Variants in INTS8 observed in about 807,000 individuals in gnomAD.
The protein encoded by INTS8 is integrator complex subunit 8, also known as protein kaonashi-1.
In INTS8, 47 loss-of-function variants were observed where a neutral mutation model predicts 138.9. That is an observed-to-expected ratio of 0.34 (90% CI 0.27 to 0.43). INTS8 has a LOEUF of 0.43. Among genes scored for constraint, INTS8 ranks in the 20% least tolerant of loss-of-function variants. INTS8 has a pLI of 1.00. For synonymous variants in INTS8, 392 were observed against 400.9 expected (o/e 0.98, Z 0.27); for missense variants, 996 against 1,173.0 (o/e 0.85, Z 2.20).
chr8:94,851,821 A>G, intron 13 of INTS8, 135 bp downstream of exon 13: 1 of 583,050 alleles, frequency 1.7e-6, no homozygotes, highest in African/African-American at 1.9e-5. Flanking sequence ...TATGAACATA[A>G]TTGCATTTTT....
chr8:94,824,950 T>C lies in INTS8; in HGVS notation c.188T>C (p.Val63Ala). Residue 63 changes from valine to alanine, a missense_variant, in exon 2 of 27, where the codon GTT becomes GCT. Coordinates refer to ENST00000523731, the MANE Select transcript of INTS8 (RefSeq NM_017864.4). The stretch of plus-strand genomic sequence containing the variant: ...TTGGAACAGGCTTCCAAACCTTCAG[T>C]TAATGAACAAAACCAAGTTCAACCT... ...QFLEQASKPS[V>A]NEQNQVQPPP... The C allele has an allele frequency of 6.2e-7, 1 of 1,613,188 alleles. No homozygotes were observed. Among genetic ancestry groups the C allele is most frequent in the Non-Finnish European group, 8.5e-7 (1 of 1,179,298 alleles).
chr8:94,825,832 G>GT (rs1814479482), intron 2 of INTS8, among the ~76,000 whole-genome samples: 5 of 133,006 alleles, frequency 3.8e-5, no homozygotes, highest in Non-Finnish European at 5.2e-5. Context: ...GGAGGAGAGG[G>GT]GTTTTTTTTG....
rs569039504 is a variant in INTS8 at position 94,870,816 on chromosome 8, C to T, written c.2415-1068C>T. ...TGATAGAGCCATGCGTCTGAATCCACAGCCTGTATTCTCTACCCTTGTGCT... is the reference window on the plus strand; with the variant it reads ...TGATAGAGCCATGCGTCTGAATCCATAGCCTGTATTCTCTACCCTTGTGCT... On this transcript the variant is annotated intron_variant, in intron 20 of 26. Transcript: ENST00000523731. Among the ~76,000 whole-genome samples, 3 of 152,176 alleles carry T rather than the reference C, an allele frequency of 2.0e-5. No individual in the cohort carries two copies. The East Asian group carries it at 5.8e-4, about 29-fold the overall frequency.
chr8:94,840,035 G>A (rs1815075179), intron 8 of INTS8, among the ~76,000 whole-genome samples: 2 of 152,234 alleles, frequency 1.3e-5, no homozygotes, highest in African/African-American at 4.8e-5. Context: ...AGAAAATAGT[G>A]TAATGGGTAG....
rs1339983867 is a variant in INTS8, at chr8:94,873,237, G to A, written c.2534-137G>A. The A allele has an allele frequency of 1.2e-5, 9 of 742,064 alleles. 1 individual carries two copies. In the East Asian group the frequency reaches 1.2e-4, roughly 10 times the overall value. 46.0% of individuals were successfully genotyped at this position (742,064 alleles called of 1,614,324 possible). On this transcript the variant is annotated intron_variant, in intron 21 of 26. Coordinates refer to ENST00000523731, the MANE Select transcript of INTS8 (RefSeq NM_017864.4). ...TACTAGGACATTTGGCAAGAAATAC[G>A]AACTAACATTTTATTTCTAGTTCTG... is the stretch of plus-strand genomic sequence containing the variant.
intron 10 of INTS8, among the ~76,000 whole-genome samples, chr8:94,848,502 C>T (rs1295162397): frequency 1.3e-5 from 2 of 152,164 alleles, no homozygotes; most frequent in Non-Finnish European, 2.9e-5. Context: ...CTCAATCTCG[C>T]ACCACCTGAG....
chr8:94,863,495 C>G (rs181259946), intron 16 of INTS8, among the ~76,000 whole-genome samples: 1 of 152,332 alleles, frequency 6.6e-6, no homozygotes, highest in East Asian at 1.9e-4. Flanking sequence ...ACTGATCCTG[C>G]TACTGTTGTA....
At chr8:94,861,766 G>T (rs558168946) in intron 16 of INTS8, among the ~76,000 whole-genome samples, 28 of 146,316 alleles carry the variant, frequency 1.9e-4, no homozygotes, top group East Asian at 1.0e-3. Flanking sequence ...TAGTCAGGCG[G>T]GTCTGAACTC....
chr8:94,871,499 ATAAT>A (rs1816398461), intron 20 of INTS8, among the ~76,000 whole-genome samples: 1 of 152,068 alleles, frequency 6.6e-6, no homozygotes, highest in African/African-American at 2.4e-5. Flanking sequence ...AATGATAATA[ATAAT>A]TTGGGGAAAT....
At chr8:94,872,486 G>A (rs143001750) in intron 21 of INTS8, among the ~76,000 whole-genome samples, 4 of 152,116 alleles carry the variant, frequency 2.6e-5, no homozygotes, top group Admixed American at 1.3e-4. Flanking sequence ...TGCCCGCCTC[G>A]GCCTCCCAAA....
At chr8:94,876,416 CA>C in intron 25 of INTS8, 29 bp from the exon 26 acceptor site, 1 of 1,446,860 alleles carries the variant, frequency 6.9e-7, no homozygotes. Flanking sequence ...TTAATACTAT[CA>C]GATTTATTTT....
intron 10 of INTS8, among the ~76,000 whole-genome samples, chr8:94,844,977 C>A (rs1431548876): frequency 6.6e-6 from 1 of 151,990 alleles, no homozygotes; most frequent in Admixed American, 6.6e-5. Flanking sequence ...TGGGCTCGAA[C>A]TGTTGAGCTC....
chr8:94,870,114 C>T (rs1005021319), intron 20 of INTS8, among the ~76,000 whole-genome samples: 9 of 151,162 alleles, frequency 6.0e-5, no homozygotes, highest in East Asian at 1.9e-4. Context: ...TGCAGTAGCG[C>T]GATCTTGGCT....
At chr8:94,838,325 C>T (rs982713298) in intron 7 of INTS8, 138 bp from the exon 8 acceptor site, 4 of 589,536 alleles carry the variant, frequency 6.8e-6, no homozygotes, top group Admixed American at 6.2e-5. Context: ...GCTGGGATTA[C>T]AGGCGTGAAC....
intron 12 of INTS8, among the ~76,000 whole-genome samples, chr8:94,851,282 A>G (rs187442382): frequency 2.0e-5 from 3 of 152,292 alleles, no homozygotes; most frequent in African/African-American, 7.2e-5. Flanking sequence ...AGTTCTTTGC[A>G]TGAAATATTG....
intron 10 of INTS8, among the ~76,000 whole-genome samples, 198 bp downstream of exon 10, chr8:94,842,686 C>T (rs762653537): frequency 3.3e-5 from 5 of 152,194 alleles, no homozygotes; most frequent in Non-Finnish European, 5.9e-5. Context: ...CATGTTTCTT[C>T]AGCATCTTTA....
intron 8 of INTS8, among the ~76,000 whole-genome samples, chr8:94,841,265 C>T (rs972746241): frequency 6.6e-6 from 1 of 152,124 alleles, no homozygotes; most frequent in Admixed American, 6.5e-5. Flanking sequence ...TGATTCCTTT[C>T]TTACCTCTCA....
chr8:94,850,951 C>A (rs1032244984), intron 12 of INTS8, among the ~76,000 whole-genome samples: 3 of 152,064 alleles, frequency 2.0e-5, no homozygotes, highest in African/African-American at 7.2e-5. Flanking sequence ...TTAACAAAAG[C>A]AAACTTTTAG....
chr8:94,871,563 G>T (rs914102287), intron 20 of INTS8, among the ~76,000 whole-genome samples: 2 of 152,164 alleles, frequency 1.3e-5, no homozygotes, highest in South Asian at 4.2e-4. Context: ...AGAGGTAAGG[G>T]TTTTATCTCA....
Sources: allele counts gnomAD v4.1 joint callset (sites outside exome capture counted in the v4.1 genomes callset), GRCh38; gene constraint gnomAD v4.1.1; transcripts MANE v1.5; gene names NCBI Gene and HGNC (gene_info 2026-07-23, HGNC 2026-07-21).